The following SCAPER variants were observed in gnomAD, a reference collection of about 807,000 sequenced individuals.
SCAPER encodes S phase cyclin A-associated protein in the endoplasmic reticulum.
In SCAPER, 98 loss-of-function variants were observed where a neutral mutation model predicts 182.2. The observed-to-expected ratio is 0.54, with a 90% CI of 0.46 to 0.64. The LOEUF is 0.64. SCAPER is among the 30% of genes least tolerant of loss of function. SCAPER has a pLI of 0.00. For synonymous variants in SCAPER, 605 were observed against 564.6 expected (o/e 1.07, Z -1.01); for missense variants, 1,432 against 1,690.0 (o/e 0.85, Z 2.68).
In SCAPER at chr15:76,602,509, C is replaced by T. The variant is rs534001658; in HGVS notation, c.2711+19255G>A. On this transcript the variant is annotated intron_variant, in intron 22 of 31. Coordinates refer to ENST00000563290, the MANE Select transcript of SCAPER (RefSeq NM_020843.4). ...GATTTACTGCAATTTGAATATCATA[C>T]GCTCACAGGTAGAATTTTTTGTTTT... 6.6e-5 allele frequency among the ~76,000 whole-genome samples: 8 copies of T among 120,654 alleles called. 2 individuals carry two copies. Among genetic ancestry groups the T allele is most frequent in the East Asian group, 2.2e-4 (1 of 4,492 alleles). The allele number at this position is 120,654 out of a possible 152,430, so 79.2% of individuals were successfully genotyped here.
chr15:76,704,767 T>C (rs2059154686), intron 18 of SCAPER, among the ~76,000 whole-genome samples: 1 of 152,150 alleles, frequency 6.6e-6, no homozygotes, highest in African/African-American at 2.4e-5. Context: ...AAAGAAGACA[T>C]TTATGCAGCC....
chr15:76,423,542 C>T (rs2046203415), intron 26 of SCAPER, among the ~76,000 whole-genome samples: 1 of 152,056 alleles, frequency 6.6e-6, no homozygotes, highest in East Asian at 1.9e-4. Flanking sequence ...AGCAGTCTGT[C>T]AATTTTGTTG....
intron 14 of SCAPER, among the ~76,000 whole-genome samples, chr15:76,761,785 A>G (rs755124644): frequency 1.6e-4 from 24 of 152,136 alleles, no homozygotes; most frequent in African/African-American, 5.8e-4. Flanking sequence ...AATCCTGTAC[A>G]TATTTCTTAG....
chr15:76,436,470 T>C (rs911361711), intron 25 of SCAPER, among the ~76,000 whole-genome samples: 1 of 152,184 alleles, frequency 6.6e-6, no homozygotes, highest in African/African-American at 2.4e-5. Context: ...GGAGACTTCC[T>C]TATTTTCTGG....
intron 2 of SCAPER, 143 bp downstream of exon 2, chr15:76,883,669 C>A: frequency 1.4e-6 from 1 of 708,632 alleles, no homozygotes; most frequent in Non-Finnish European, 2.3e-6. Context: ...ACATTCATAG[C>A]TGCTCACTTT....
chr15:76,822,541 T>TA (rs759125947), intron 5 of SCAPER, among the ~76,000 whole-genome samples: 1 of 152,234 alleles, frequency 6.6e-6, no homozygotes, highest in Non-Finnish European at 1.5e-5. Flanking sequence ...CTTCCAAAGA[T>TA]AAATTTTAAA....
chr15:76,443,032 T>C (rs1007324322), intron 25 of SCAPER, among the ~76,000 whole-genome samples: 5 of 151,976 alleles, frequency 3.3e-5, no homozygotes, highest in Non-Finnish European at 7.4e-5. Flanking sequence ...AAAGTTGGGG[T>C]AAAAAACACC....
intron 2 of SCAPER, among the ~76,000 whole-genome samples, chr15:76,877,430 G>C (rs576704296): frequency 2.0e-5 from 3 of 152,226 alleles, no homozygotes; most frequent in Admixed American, 6.5e-5. Context: ...AGTTTGATAA[G>C]GTACTGTATA....
chr15:76,702,959 C>T lies in SCAPER; in HGVS notation c.2291G>A (p.Arg764Lys), dbSNP rs2059042150. 6.2e-7 allele frequency: 1 copy of T among 1,607,470 alleles called. No homozygotes were observed. Among genetic ancestry groups the T allele is most frequent in the African/African-American group, 1.3e-5 (1 of 74,420 alleles). The change falls in exon 19 of 32, where the codon AGA becomes AAA. Residue 764 changes from arginine to lysine, a missense_variant. This residue lies in a region of SCAPER where 718 missense variants were observed against 799.7 expected (regional missense o/e 0.90). Transcript: ENST00000563290. ...IRRHMEQIEQ[R>K]KEKAAELSSG... Reference sequence around the variant, plus strand: ...GCTTAGCTCAGCAGCTTTTTCTTTTCTTTGTTCAATCTGTTCCATGTGCCT... The same window carrying T: ...GCTTAGCTCAGCAGCTTTTTCTTTTTTTTGTTCAATCTGTTCCATGTGCCT...
At chr15:76,624,061 A>C (rs2052351985) in intron 21 of SCAPER, among the ~76,000 whole-genome samples, 1 of 152,262 alleles carries the variant, frequency 6.6e-6, no homozygotes, top group African/African-American at 2.4e-5. Flanking sequence ...CAGAGCAATC[A>C]GCAAGAGAAT....
intron 21 of SCAPER, among the ~76,000 whole-genome samples, chr15:76,641,627 C>T (rs1175630964): frequency 6.6e-6 from 1 of 152,140 alleles, no homozygotes; most frequent in African/African-American, 2.4e-5. Flanking sequence ...CAAATTCTTG[C>T]TTAACTAAAT....
intron 24 of SCAPER, among the ~76,000 whole-genome samples, chr15:76,501,820 C>G (rs1304057490): frequency 6.6e-6 from 1 of 152,178 alleles, no homozygotes; most frequent in Non-Finnish European, 1.5e-5. Flanking sequence ...ATGGAAAGCC[C>G]AAGGCCTGGG....
intron 17 of SCAPER, among the ~76,000 whole-genome samples, chr15:76,722,696 T>G (rs913968332): frequency 2.0e-5 from 3 of 152,198 alleles, no homozygotes; most frequent in African/African-American, 7.2e-5. Flanking sequence ...TTCTTCTAGA[T>G]TTTCTAGTTT....
intron 27 of SCAPER, among the ~76,000 whole-genome samples, chr15:76,397,843 C>T (rs960354970): frequency 2.6e-5 from 4 of 152,152 alleles, no homozygotes; most frequent in African/African-American, 9.7e-5. Context: ...TGGATTTCTT[C>T]ATGTTTGAAT....
intron 22 of SCAPER, among the ~76,000 whole-genome samples, chr15:76,607,952 A>T (rs1179578732): frequency 6.6e-6 from 1 of 151,902 alleles, no homozygotes; most frequent in African/African-American, 2.4e-5. Flanking sequence ...CTTCTTTGCC[A>T]TTGGTTCGAA....
At chr15:76,839,740 A>G (rs2069282381) in intron 5 of SCAPER, among the ~76,000 whole-genome samples, 1 of 152,212 alleles carries the variant, frequency 6.6e-6, no homozygotes, top group South Asian at 2.1e-4. Flanking sequence ...AGCTTGGAAT[A>G]AGTGACAGAA....
chr15:76,761,688 G>C (rs2062797283), intron 14 of SCAPER, among the ~76,000 whole-genome samples: 1 of 152,134 alleles, frequency 6.6e-6, no homozygotes, highest in Non-Finnish European at 1.5e-5. Context: ...CTAAAGACTT[G>C]TGTTGTGACC....
intron 1 of SCAPER, 158 bp downstream of exon 1, chr15:76,905,141 T>C (rs934206542): frequency 6.5e-6 from 1 of 154,966 alleles, no homozygotes; most frequent in Non-Finnish European, 1.5e-5. Flanking sequence ...CAACGATCCC[T>C]GCCCCGCTCA....
chr15:76,860,295 GTACTTT>G (rs1321317684), intron 3 of SCAPER, among the ~76,000 whole-genome samples: 4 of 152,036 alleles, frequency 2.6e-5, no homozygotes, highest in African/African-American at 9.7e-5. Flanking sequence ...ATGTTGATAT[GTACTTT>G]TATCAAAGAA....
Sources: gnomAD v4.1 joint callset for allele counts (sites outside exome capture counted in the v4.1 genomes callset) on GRCh38, gnomAD v4.1.1 for gene constraint, gnomAD v4.1.1 regional missense constraint, MANE v1.5 for transcripts, NCBI Gene and HGNC (gene_info 2026-07-23, HGNC 2026-07-21) for gene names.